Variants in ITGB5 observed in about 807,000 individuals in gnomAD.
ITGB5 encodes integrin subunit beta 5.
Under a neutral mutation model 84.8 loss-of-function variants are expected in ITGB5, and 38 were observed. The observed-to-expected ratio is 0.45, with a 90% CI of 0.35 to 0.59. The LOEUF (loss-of-function observed/expected upper bound fraction) is 0.59. Among genes scored for constraint, ITGB5 ranks in the 20% least tolerant of loss-of-function variants. The pLI is 0.01. For synonymous variants in ITGB5, 393 were observed against 414.4 expected (o/e 0.95, Z 0.63); for missense variants, 905 against 1,034.5 (o/e 0.87, Z 1.72).
At chr3:124,789,192 GA>G (rs1374719271) in intron 10 of ITGB5, among the ~76,000 whole-genome samples, 1 of 152,240 alleles carries the variant, frequency 6.6e-6, no homozygotes, top group Non-Finnish European at 1.5e-5. Context: ...TTCTGAGTGT[GA>G]AAATTACATT....
At chr3:124,780,108 G>A (rs2063982384) in intron 10 of ITGB5, among the ~76,000 whole-genome samples, 1 of 122,630 alleles carries the variant, frequency 8.2e-6, no homozygotes, top group Non-Finnish European at 1.6e-5. Context: ...CTCTGAGGCA[G>A]GGCACGGGGA....
intron 5 of ITGB5, among the ~76,000 whole-genome samples, chr3:124,831,172 GT>G (rs2064855084): frequency 6.6e-6 from 1 of 152,114 alleles, no homozygotes; most frequent in African/African-American, 2.4e-5. Context: ...TGAGGATGTG[GT>G]TCCCATGCCC....
chr3:124,814,058 A>G (rs916419046), intron 8 of ITGB5, among the ~76,000 whole-genome samples: 1 of 152,166 alleles, frequency 6.6e-6, no homozygotes, highest in Non-Finnish European at 1.5e-5. Context: ...ACCAAATATA[A>G]TAACAAAAGA....
At chr3:124,891,920 AAAAAATAAAAAT>A (rs1176377854), upstream of ITGB5, among the ~76,000 whole-genome samples, 1 of 152,048 alleles carries the variant, frequency 6.6e-6, no homozygotes, top group Non-Finnish European at 1.5e-5. Flanking sequence ...CTGTCTCAAA[AAAAAATAAAAAT>A]AAAAATAAAA....
intron 5 of ITGB5, among the ~76,000 whole-genome samples, chr3:124,831,041 C>T (rs1359011139): frequency 6.6e-6 from 1 of 152,174 alleles, no homozygotes; most frequent in Non-Finnish European, 1.5e-5. Flanking sequence ...ACATTGGACT[C>T]CAACCTGCTT....
intron 8 of ITGB5, among the ~76,000 whole-genome samples, chr3:124,814,179 C>T (rs1346108166): frequency 6.6e-6 from 1 of 152,098 alleles, no homozygotes; most frequent in Non-Finnish European, 1.5e-5. Context: ...TTCTAATCAA[C>T]ACAGGAAACC....
intron 3 of ITGB5, among the ~76,000 whole-genome samples, chr3:124,855,206 A>G (rs938362152): frequency 6.6e-6 from 1 of 152,152 alleles, no homozygotes; most frequent in Non-Finnish European, 1.5e-5. Flanking sequence ...CTAGCTACTC[A>G]GAAGGCTAAG....
rs953189644 is a variant in ITGB5, at chr3:124,887,059, G to A, written c.-59C>T. The A allele has an allele frequency of 1.7e-4, 138 of 813,892 alleles. No individual in the cohort carries two copies. Among genetic ancestry groups the A allele is most frequent in the Non-Finnish European group, 2.0e-4 (136 of 668,336 alleles). 50.4% of individuals were successfully genotyped at this position (813,892 alleles called of 1,614,324 possible). ...CTGCACTCCGCGGGGGCCGGCGGCC[G>A]GGGCTGGGGCCGGAGCGCGGGGGCC... On this transcript the variant is annotated 5_prime_UTR_variant, in exon 1 of 15. Transcript: ENST00000296181.
chr3:124,856,075 G>C (rs907073093), intron 3 of ITGB5, among the ~76,000 whole-genome samples: 2 of 151,862 alleles, frequency 1.3e-5, no homozygotes, highest in Non-Finnish European at 2.9e-5. Context: ...CCATAGCAAC[G>C]GGGTCTCACT....
At chr3:124,870,148 A>G (rs368993867) in intron 2 of ITGB5, among the ~76,000 whole-genome samples, 3 of 152,246 alleles carry the variant, frequency 2.0e-5, no homozygotes, top group East Asian at 3.8e-4. Flanking sequence ...CAGTACTCTT[A>G]TATCAAATAC....
chr3:124,771,146 ATTAAG>A lies in ITGB5; in HGVS notation c.1917-2038_1917-2034del, dbSNP rs368400034. On this transcript the variant is annotated intron_variant, in intron 11 of 14. Coordinates refer to ENST00000296181, the MANE Select transcript of ITGB5 (RefSeq NM_002213.5). ...TAAAATAAGTCTGCCTTTTAAAAAA[ATTAAG>A]TTGTTTAGAGACACTTTGCTCTTGA... Among the ~76,000 whole-genome samples, 763 of 152,338 alleles carry A rather than the reference ATTAAG, an allele frequency of 5.0e-3. 11 individuals carry two copies. The highest frequency in any genetic ancestry group is 0.017 in the African/African-American group (688 of 41,566).
chr3:124,899,938 T>C (rs1935185276), intron 1 of ITGB5, among the ~76,000 whole-genome samples: 1 of 127,362 alleles, frequency 7.9e-6, no homozygotes, highest in South Asian at 2.7e-4. Flanking sequence ...CTGGAGAGAA[T>C]ATGAGAATAC....
chr3:124,828,844 C>T (rs1251312319), intron 5 of ITGB5, among the ~76,000 whole-genome samples: 1 of 152,210 alleles, frequency 6.6e-6, no homozygotes, highest in Non-Finnish European at 1.5e-5. Context: ...GCTCAGGTAT[C>T]TGGCTAATCT....
At position 124,821,483 on chromosome 3, in the gene ITGB5, CA is replaced by C. The variant is rs758644610; in HGVS notation, c.781-10del. On this transcript the variant is annotated splice_polypyrimidine_tract_variant and intron_variant, in intron 5 of 14. Coordinates refer to ENST00000296181, the MANE Select transcript of ITGB5 (RefSeq NM_002213.5). ...CGCCAGCCAATCTTCTCCTGAAGGA[CA>C]GAAGGTGGATGGGTACACCAGTCTT... is the stretch of plus-strand genomic sequence containing the variant. 7 of 1,613,870 alleles carry C rather than the reference CA, an allele frequency of 4.3e-6. No individual in the cohort carries two copies. The African/African-American group carries it at 8.0e-5, about 18-fold the overall frequency.
chr3:124,898,289 C>T (rs567216689), intron 1 of ITGB5, among the ~76,000 whole-genome samples: 3 of 151,108 alleles, frequency 2.0e-5, no homozygotes, highest in African/African-American at 4.9e-5. Context: ...GACAGATACT[C>T]TATTATGGAA....
intron 6 of ITGB5, 38 bp downstream of exon 6, chr3:124,821,275 A>G: frequency 6.3e-7 from 1 of 1,586,026 alleles, no homozygotes; most frequent in South Asian, 1.1e-5. Flanking sequence ...GTCACAAGAG[A>G]GGCAACAGGG....
chr3:124,772,243 TTTC>T (rs1234312145), intron 11 of ITGB5, among the ~76,000 whole-genome samples: 2 of 152,180 alleles, frequency 1.3e-5, no homozygotes, highest in Non-Finnish European at 2.9e-5. Context: ...TGAATCTGTT[TTTC>T]TTCTTCCTTA....
In ITGB5 at chr3:124,809,070, T is replaced by C. The variant is rs1398466157; in HGVS notation, c.1215A>G (p.Val405=). 1 of 1,614,158 alleles carries C rather than the reference T, an allele frequency of 6.2e-7. No homozygotes were observed. Among genetic ancestry groups the C allele is most frequent in the Non-Finnish European group, 8.5e-7 (1 of 1,180,024 alleles). ...LFFTATCQDG[V]SYPGQRKCEG... is the part of the protein sequence containing the mutation. The stretch of plus-strand genomic sequence containing the variant: ...CACACTTCCTCTGACCAGGATAGGA[T>C]ACCCCATCTTGGCAGGTAGCAGTAA... Residue 405 remains valine (V), a synonymous_variant, in exon 9 of 15, where the codon GTA becomes GTG. Coordinates refer to ENST00000296181, the MANE Select transcript of ITGB5 (RefSeq NM_002213.5).
intron 2 of ITGB5, among the ~76,000 whole-genome samples, chr3:124,864,484 A>C (rs2065357089): frequency 6.6e-6 from 1 of 152,168 alleles, no homozygotes; most frequent in African/African-American, 2.4e-5. Context: ...GAAAAGGCAG[A>C]CTGATGTTTA....
Sources: allele counts gnomAD v4.1 joint callset (sites outside exome capture counted in the v4.1 genomes callset), GRCh38; gene constraint gnomAD v4.1.1; transcripts MANE v1.5; gene names NCBI Gene and HGNC (gene_info 2026-07-23, HGNC 2026-07-21).